Variants in THOC5 observed in about 807,000 individuals in gnomAD.
THOC5 encodes the protein THO complex subunit 5, also known as Fms-interacting protein.
A neutral mutation model predicts 92.9 loss-of-function variants in THOC5; 43 were observed. The observed-to-expected ratio is 0.46, with a 90% CI of 0.36 to 0.60. THOC5 has a LOEUF of 0.60. Ranked by LOEUF, THOC5 falls within the 20% of genes least tolerant of loss-of-function variation. The probability of loss-of-function intolerance (pLI) is 0.00; values close to 1 mark genes in which losing one functional copy is unlikely to be tolerated. For synonymous variants in THOC5, 296 were observed against 320.1 expected, an observed-to-expected ratio of 0.92 and a Z score of 0.80; for missense variants, 659 against 849.4, an observed-to-expected ratio of 0.78 and a Z score of 2.79.
intron 5 of THOC5, among the ~76,000 whole-genome samples, chr22:29,539,887 C>G (rs1049864417): frequency 1.3e-5 from 2 of 152,044 alleles, no homozygotes; most frequent in South Asian, 2.1e-4. Context: ...ACATTAGCCG[C>G]GTAAGAACAG....
chr22:29,552,052 G>A (rs2146582113), intron 1 of THOC5, among the ~76,000 whole-genome samples: 1 of 152,324 alleles, frequency 6.6e-6, no homozygotes, highest in East Asian at 1.9e-4. Context: ...CTCCCGAGGT[G>A]CCAGGATTGC....
At chr22:29,518,943 A>G (rs1165809958) in intron 15 of THOC5, 63 bp downstream of exon 15, 11 of 1,050,618 alleles carry the variant, frequency 1.0e-5, no homozygotes, top group Middle Eastern at 2.1e-4. Context: ...GTGAAAGGCT[A>G]AGTTGTTGTT....
chr22:29,545,300 C>T (rs2063993214), intron 2 of THOC5, among the ~76,000 whole-genome samples: 1 of 152,168 alleles, frequency 6.6e-6, no homozygotes, highest in South Asian at 2.1e-4. Context: ...AAATACAATT[C>T]AAGTTGAGAT....
intron 7 of THOC5, chr22:29,535,938 G>C (rs1013363852): frequency 6.6e-6 from 1 of 152,144 alleles, no homozygotes; most frequent in Non-Finnish European, 1.5e-5. Flanking sequence ...GCCACCCGAA[G>C]TGCTAGGATT....
In THOC5 at chr22:29,542,839, C is replaced by T. The variant is rs771462571; in HGVS notation, c.452+20G>A. The T allele has an allele frequency of 1.8e-5, 29 of 1,571,080 alleles. No homozygotes were observed. Among genetic ancestry groups the T allele is most frequent in the Non-Finnish European group, 2.3e-5 (26 of 1,142,690 alleles). On this transcript the variant is annotated intron_variant, in intron 5 of 19. Transcript: ENST00000490103. ...TACCGAAAGACCACATGTGCCAAAG[C>T]CCTGTCCTCCCAAACTCACTTAAAC...
At chr22:29,541,594 G>A (rs753628506) in intron 5 of THOC5, among the ~76,000 whole-genome samples, 1 of 150,946 alleles carries the variant, frequency 6.6e-6, no homozygotes, top group Non-Finnish European at 1.5e-5. Flanking sequence ...GGGTGTGGTG[G>A]CTCACGCCTG....
At chr22:29,511,644 A>ACTGCAATGCTGATTAACAG (rs1261228792) in intron 18 of THOC5, among the ~76,000 whole-genome samples, 3 of 152,366 alleles carry the variant, frequency 2.0e-5, no homozygotes, top group East Asian at 3.9e-4. Context: ...CTGATTAACA[A>ACTGCAATGCTGATTAACAG]CTGCAATGCT....
rs767923099 is a variant in THOC5 at position 29,525,954 on chromosome 22, G to A, written c.1067-8C>T. The A allele has an allele frequency of 5.6e-6, 9 of 1,598,814 alleles. No individual in the cohort carries two copies. The highest frequency in any genetic ancestry group is 7.7e-6 in the Non-Finnish European group (9 of 1,166,966). On this transcript the variant is annotated splice_polypyrimidine_tract_variant and splice_region_variant and intron_variant, in intron 11 of 19. Transcript: ENST00000490103. ...GGTGAAGCACACTGTCATCTGGAGG[G>A]GAGGAAGATGAGAGAATTTATGAGT...
intron 1 of THOC5, 52 bp from the exon 2 acceptor site, chr22:29,549,210 T>A (rs2064091797): frequency 1.3e-6 from 2 of 1,524,470 alleles, no homozygotes; most frequent in Non-Finnish European, 1.8e-6. Flanking sequence ...AACACTGAAG[T>A]CAAACTAGCA....
chr22:29,535,421 A>C (rs2063741497), intron 7 of THOC5: 1 of 152,116 alleles, frequency 6.6e-6, no homozygotes, highest in South Asian at 2.1e-4. Flanking sequence ...ATGAATATAG[A>C]CTTTTCCAAG....
chr22:29,515,897 C>T (rs1478401952), intron 17 of THOC5, among the ~76,000 whole-genome samples: 1 of 152,006 alleles, frequency 6.6e-6, no homozygotes, highest in Non-Finnish European at 1.5e-5. Flanking sequence ...CCTACAATCC[C>T]AGCACTTTGG....
At chr22:29,527,013 G>C (rs2063557967) in intron 11 of THOC5, among the ~76,000 whole-genome samples, 1 of 152,206 alleles carries the variant, frequency 6.6e-6, no homozygotes, top group South Asian at 2.1e-4. Flanking sequence ...GAAATTAAGA[G>C]TGGTGTGGAT....
At position 29,508,154 on chromosome 22, in the gene THOC5, C is replaced by T. The variant is rs141625226; in HGVS notation, c.*303G>A. 4.1e-4 allele frequency: 168 copies of T among 408,196 alleles called. No individual in the cohort carries two copies. The East Asian group carries it at 6.5e-3, about 16-fold the overall frequency. The allele number at this position is 408,196 out of a possible 1,614,324, so 25.3% of individuals were successfully genotyped here. ...CCCCGCAAAGCACAAATAGGGTGTG[C>T]GTAGACAAGAGGTGAGCATCTCTCT... is the stretch of plus-strand genomic sequence containing the variant. On this transcript the variant is annotated 3_prime_UTR_variant, in exon 20 of 20. Transcript: ENST00000490103.
intron 12 of THOC5, among the ~76,000 whole-genome samples, chr22:29,523,765 A>T (rs1455844064): frequency 1.3e-5 from 2 of 152,134 alleles, no homozygotes; most frequent in African/African-American, 4.8e-5. Context: ...CAAAACTATT[A>T]AAAAAAATTG....
Position 29,519,082 on chromosome 22 carries a change from G to A in THOC5, c.1413C>T (p.His471=). 1 of 1,611,904 alleles carries A rather than the reference G, an allele frequency of 6.2e-7. No individual in the cohort carries two copies. The highest frequency in any genetic ancestry group is 1.1e-5 in the South Asian group (1 of 90,214). The change falls in exon 15 of 20, where the codon CAC becomes CAT. Residue 471 remains histidine (H), a synonymous_variant. Coordinates refer to ENST00000490103, the MANE Select transcript of THOC5 (RefSeq NM_003678.5). The stretch of plus-strand genomic sequence containing the variant: ...TCAGAAGTTTCATGGTGGTCTCCAT[G>A]TGGCTGGCGCTCAGCGAGTGGTCAG... ...VIADHSLSAS[H]METTMKLLKT... is the part of the protein sequence containing the mutation.
chr22:29,524,457 C>A (rs775917999), intron 12 of THOC5, among the ~76,000 whole-genome samples: 1 of 152,128 alleles, frequency 6.6e-6, no homozygotes, highest in East Asian at 1.9e-4. Context: ...TAGTGAAGAG[C>A]TGGAGTTGAG....
At position 29,507,725 on chromosome 22, in the gene THOC5, T is replaced by C. The variant is rs993823726; in HGVS notation, c.*732A>G. On this transcript the variant is annotated 3_prime_UTR_variant, in exon 20 of 20. Coordinates refer to ENST00000490103, the MANE Select transcript of THOC5 (RefSeq NM_003678.5). ...TACTGTATTGTAAGAATACAGTGTA[T>C]AAGATACAAAATATATACTGAAAAT... The C allele has an allele frequency of 2.0e-5, 3 of 152,304 alleles. No homozygotes were observed. Among genetic ancestry groups the C allele is most frequent in the African/African-American group, 7.2e-5 (3 of 41,472 alleles). 9.4% of individuals were successfully genotyped at this position (152,304 alleles called of 1,614,324 possible). A position where few individuals can be genotyped will look rare whatever the true frequency, so the allele number is the denominator to read the frequency against.
chr22:29,524,670 A>G (rs2063508528), intron 12 of THOC5, among the ~76,000 whole-genome samples: 1 of 152,112 alleles, frequency 6.6e-6, no homozygotes, highest in Non-Finnish European at 1.5e-5. Context: ...AACAGGGGCA[A>G]TTTCATCCAG....
intron 11 of THOC5, among the ~76,000 whole-genome samples, chr22:29,526,457 A>G (rs955794606): frequency 6.6e-6 from 1 of 152,158 alleles, no homozygotes; most frequent in East Asian, 1.9e-4. Context: ...GTGTGAACCC[A>G]GGAGGTGGAG....
Sources: gnomAD v4.1 joint callset for allele counts (sites outside exome capture counted in the v4.1 genomes callset) on GRCh38, gnomAD v4.1.1 for gene constraint, MANE v1.5 for transcripts, NCBI Gene and HGNC (gene_info 2026-07-23, HGNC 2026-07-21) for gene names.